MYCBP2: variants seen among roughly 807,000 people sequenced by gnomAD.
MYCBP2 encodes the protein MYC binding protein 2, also known as E3 ubiquitin-protein ligase MYCBP2.
A neutral mutation model predicts 525.3 loss-of-function variants in MYCBP2; 120 were observed. The ratio of observed to expected loss-of-function variants is 0.23; its 90% confidence interval spans 0.20 to 0.27. The LOEUF is 0.27. MYCBP2 is among the 10% of genes least tolerant of loss of function. MYCBP2 has a pLI of 1.00. For missense variants in MYCBP2, 4,149 were observed against 5,657.1 expected, an observed-to-expected ratio of 0.73 and a Z score of 8.55; for synonymous variants, 1,894 against 1,955.8, an observed-to-expected ratio of 0.97 and a Z score of 0.83.
chr13:77,163,734 A>G (rs1376309309), intron 43 of MYCBP2, among the ~76,000 whole-genome samples: 1 of 151,956 alleles, frequency 6.6e-6, no homozygotes, highest in Non-Finnish European at 1.5e-5. Flanking sequence ...CTCCCTCTCT[A>G]CTCTGAAAGT....
intron 67 of MYCBP2, 83 bp downstream of exon 67, chr13:77,077,065 A>G: frequency 6.6e-7 from 1 of 1,519,898 alleles, no homozygotes; most frequent in Non-Finnish European, 8.8e-7. Flanking sequence ...TTTCTGTAAT[A>G]AGTTTCACAA....
In MYCBP2 at chr13:77,081,978, T is replaced by G; in HGVS notation, c.11052A>C (p.Lys3684Asn). 6 of 1,613,266 alleles carry G rather than the reference T, an allele frequency of 3.7e-6. No homozygotes were observed. The highest frequency in any genetic ancestry group is 4.2e-6 in the Non-Finnish European group (5 of 1,179,590). The change falls in exon 64 of 83, where the codon AAA (lysine) becomes AAC (asparagine). Residue 3684 changes from lysine to asparagine, a missense_variant. Transcript: ENST00000544440. This position sits in a 1 kb window ranked among gnomAD's most constrained non-coding sequence, Gnocchi z 4.6. ...QQMALRCWSL[K>N]FKQSDHQFLH... ...GGAACTGGTGATCAGATTGCTTGAA[T>G]TTGAGACTCCAGCACCTAAAAAGGC...
intron 68 of MYCBP2, among the ~76,000 whole-genome samples, chr13:77,072,562 TAAAA>T (rs2041566677): frequency 6.6e-6 from 1 of 151,958 alleles, no homozygotes; most frequent in Admixed American, 6.6e-5. Flanking sequence ...TTGTGATTAT[TAAAA>T]GAAGCAAAAA....
chr13:77,104,456 T>C (rs1177229399), intron 55 of MYCBP2, among the ~76,000 whole-genome samples: 1 of 152,046 alleles, frequency 6.6e-6, no homozygotes, highest in East Asian at 1.9e-4. Context: ...TAAGTATACA[T>C]CACATCAGGT....
At chr13:77,227,879 G>A (rs2066522695) in intron 18 of MYCBP2, among the ~76,000 whole-genome samples, 1 of 152,056 alleles carries the variant, frequency 6.6e-6, no homozygotes, top group Non-Finnish European at 1.5e-5. Context: ...TAAAAAAGTA[G>A]CAGCTGTTAT....
At chr13:77,172,788 C>T (rs2059269747) in intron 37 of MYCBP2, among the ~76,000 whole-genome samples, 1 of 152,194 alleles carries the variant, frequency 6.6e-6, no homozygotes, top group African/African-American at 2.4e-5. Context: ...TACTAGCCAA[C>T]TATAACGAAC....
intron 17 of MYCBP2, among the ~76,000 whole-genome samples, chr13:77,237,393 T>C (rs73545888): frequency 0.034 from 5,185 of 152,192 alleles, 296 homozygotes; most frequent in African/African-American, 0.12. Context: ...AGTAAGATAT[T>C]AGACTATTAA....
intron 2 of MYCBP2, among the ~76,000 whole-genome samples, chr13:77,294,109 T>TATATATATAC (rs1555465545): frequency 5.7e-5 from 3 of 52,418 alleles, no homozygotes; most frequent in Admixed American, 2.4e-4. Flanking sequence ...AATGGCTATA[T>TATATATATAC]ATATATATAT....
intron 73 of MYCBP2, 37 bp downstream of exon 73, chr13:77,064,578 C>G: frequency 6.4e-7 from 1 of 1,554,526 alleles, no homozygotes; most frequent in Non-Finnish European, 8.7e-7. Flanking sequence ...ATGATACACA[C>G]CAAATTTAAA....
chr13:77,180,225 TC>T lies in MYCBP2; in HGVS notation c.5034del (p.Arg1679GlufsTer25). 1 of 1,614,152 alleles carries T rather than the reference TC, an allele frequency of 6.2e-7. No homozygotes were observed. The highest frequency in any genetic ancestry group is 8.5e-7 in the Non-Finnish European group (1 of 1,179,984). On this transcript the variant is annotated frameshift_variant, in exon 34 of 83. Coordinates refer to ENST00000544440, the MANE Select transcript of MYCBP2 (RefSeq NM_015057.5). LOFTEE classifies it high-confidence loss of function. ...IVVLPVRNSL[R>X]RENELFSSHL... is the part of the protein sequence containing the mutation. ...TGGGAGGAGAAGAGTTCATTTTCTCTCCTCAGGCTGTTCCTGACTGGTAGCA... is the reference window on the plus strand; with the variant it reads ...TGGGAGGAGAAGAGTTCATTTTCTCTCTCAGGCTGTTCCTGACTGGTAGCA...
At chr13:77,150,977 A>G in intron 46 of MYCBP2, 28 bp from the exon 47 acceptor site, 2 of 1,545,072 alleles carry the variant, frequency 1.3e-6, no homozygotes, top group Non-Finnish European at 1.8e-6. Context: ...GAAACCAAAT[A>G]CCATTATTAT....
rs34371055 is a variant in MYCBP2, at chr13:77,074,002, G to GCC, written c.11823+2747_11823+2748dup. 8.4e-3 allele frequency among the ~76,000 whole-genome samples: 893 copies of GCC among 106,534 alleles called. 10 individuals are homozygous for GCC. Among genetic ancestry groups the GCC allele is most frequent in the African/African-American group, 0.026 (717 of 27,372 alleles). The allele number at this position is 106,534 out of a possible 152,430, so 69.9% of individuals were successfully genotyped here. On this transcript the variant is annotated intron_variant, in intron 68 of 82. Transcript: ENST00000544440. ...TTCCAGTCAAAATTCCATCCCCACCGCCCCCCCCCCTTTTTTTTTTAAAGA... is the reference window on the plus strand; with the variant it reads ...TTCCAGTCAAAATTCCATCCCCACCGCCCCCCCCCCCCTTTTTTTTTTAAAGA...
chr13:77,088,786 G>C lies in MYCBP2; in HGVS notation c.10725+46C>G, dbSNP rs140321042. On this transcript the variant is annotated intron_variant, in intron 61 of 82. Coordinates refer to ENST00000544440, the MANE Select transcript of MYCBP2 (RefSeq NM_015057.5). ...GCATCGTGAAATAGAATCATCACATGATTTGTATAATCAATGAATCAGTAA... is the reference window on the plus strand; with the variant it reads ...GCATCGTGAAATAGAATCATCACATCATTTGTATAATCAATGAATCAGTAA... 18 of 1,511,204 alleles carry C rather than the reference G, an allele frequency of 1.2e-5. No individual in the cohort carries two copies. In the African/African-American group the frequency reaches 2.2e-4, roughly 18 times the overall value. 93.6% of individuals were successfully genotyped at this position (1,511,204 alleles called of 1,614,324 possible). A position where few individuals can be genotyped will look rare whatever the true frequency, so the allele number is the denominator to read the frequency against.
intron 52 of MYCBP2, chr13:77,129,442 T>C (rs1594776946): frequency 2.9e-6 from 1 of 347,112 alleles, no homozygotes; most frequent in East Asian, 4.1e-5. Context: ...AAGCTCTCCA[T>C]GGATATAGTG....
At chr13:77,101,753 T>G (rs1761190945) in intron 55 of MYCBP2, among the ~76,000 whole-genome samples, 1 of 151,990 alleles carries the variant, frequency 6.6e-6, no homozygotes, top group Non-Finnish European at 1.5e-5. Flanking sequence ...AAACGTATTT[T>G]ATATATTAAA....
chr13:77,276,894 T>A (rs1291306496), intron 4 of MYCBP2, among the ~76,000 whole-genome samples: 1 of 139,042 alleles, frequency 7.2e-6, no homozygotes, highest in African/African-American at 2.7e-5. Context: ...AGCCTTAAGC[T>A]ATCCTCCTGC....
At chr13:77,312,543 T>C (rs1030501543) in intron 1 of MYCBP2, among the ~76,000 whole-genome samples, 3 of 151,966 alleles carry the variant, frequency 2.0e-5, no homozygotes, top group Non-Finnish European at 2.9e-5. Flanking sequence ...TGTAAAAAGT[T>C]AGGTATGCAT....
At chr13:77,260,640 T>C (rs1352914936) in intron 12 of MYCBP2, 48 bp from the exon 13 acceptor site, 12 of 1,420,296 alleles carry the variant, frequency 8.4e-6, no homozygotes, top group Non-Finnish European at 1.1e-5. Context: ...GTACAAATAA[T>C]AATAATAATG....
At chr13:77,279,802 T>A (rs1375388360) in intron 3 of MYCBP2, among the ~76,000 whole-genome samples, 5 of 152,324 alleles carry the variant, frequency 3.3e-5, no homozygotes, top group Admixed American at 1.3e-4. Context: ...GAGTTTATAA[T>A]CTAATAGGGT....
Sources: allele counts gnomAD v4.1 joint callset (sites outside exome capture counted in the v4.1 genomes callset), GRCh38; gene constraint gnomAD v4.1.1; non-coding constraint Gnocchi (gnomAD v3.1); transcripts MANE v1.5; gene names NCBI Gene and HGNC (gene_info 2026-07-23, HGNC 2026-07-21).